The following PHYKPL variants were observed in gnomAD, a reference collection of about 807,000 sequenced individuals.
PHYKPL encodes the protein 5-phosphohydroxy-L-lysine phospho-lyase.
Under a neutral mutation model 51.3 loss-of-function variants are expected in PHYKPL, and 42 were observed. The observed-to-expected ratio is 0.82, with a 90% confidence interval of 0.64 to 1.06. The LOEUF (loss-of-function observed/expected upper bound fraction) is 1.06. PHYKPL is among the 50% of genes least tolerant of loss of function. The pLI is 0.00. For missense variants in PHYKPL, 655 were observed against 586.6 expected (o/e 1.12, Z -1.20); for synonymous variants, 264 against 236.0 (o/e 1.12, Z -1.09).
At chr5:178,228,987 C>T (rs985785962) in intron 3 of PHYKPL, among the ~76,000 whole-genome samples, 1 of 152,176 alleles carries the variant, frequency 6.6e-6, no homozygotes, top group Non-Finnish European at 1.5e-5. Context: ...GCTTTCCCTT[C>T]GTGGACTTCT....
intron 3 of PHYKPL, chr5:178,228,450 A>G (rs948608974): frequency 2.8e-5 from 19 of 688,406 alleles, no homozygotes; most frequent in East Asian, 1.1e-4. Flanking sequence ...TCCACACAGA[A>G]TAAAGCTGGT....
rs193220247 is a variant in PHYKPL, at chr5:178,219,652, G to A, written c.927+2703C>T. On this transcript the variant is annotated intron_variant, in intron 8 of 12. Transcript: ENST00000308158. ...TTTTCAGTAGAGATGGGGTTTCACC[G>A]TGTTAGCCAGGATGGTCTCGATCTC... Among the ~76,000 whole-genome samples, 756 of 151,880 alleles carry A rather than the reference G, an allele frequency of 5.0e-3. 1 individual carries two copies. Among genetic ancestry groups the A allele is most frequent in the African/African-American group, 0.017 (717 of 41,446 alleles).
chr5:178,228,701 C>CA, intron 3 of PHYKPL: 1 of 682,952 alleles, frequency 1.5e-6, no homozygotes. Flanking sequence ...CCACCACCTA[C>CA]GATTTGTTGG....
At chr5:178,224,771 C>T (rs1415125986) in intron 4 of PHYKPL, 42 bp from the exon 5 acceptor site, 2 of 1,516,600 alleles carry the variant, frequency 1.3e-6, no homozygotes, top group Admixed American at 3.4e-5. Flanking sequence ...CCGGGCAGCA[C>T]CTACTCCCTG....
rs373675466 is a variant in PHYKPL, at chr5:178,222,522, G to C, written c.760C>G (p.Arg254Gly). The C allele has an allele frequency of 1.9e-5, 31 of 1,614,118 alleles. No individual in the cohort carries two copies. The highest frequency in any genetic ancestry group is 6.7e-5 in the Admixed American group (4 of 60,012). ...AAGGCCCAGAAGTGCTTGCCTACCC[G>C]GCCAAAGCCAACCTGGATCTCATCT... The part of the protein sequence containing the change: ...VADEIQVGFG[R>G]VGKHFWAFQL... Residue 254 changes from arginine to glycine, a missense_variant, in exon 8 of 13, where the codon CGG (arginine) becomes GGG (glycine). Transcript: ENST00000308158.
Position 178,213,120 on chromosome 5 carries a change from C to T in PHYKPL, c.1173-17G>A, listed in dbSNP as rs1253099350. The T allele has an allele frequency of 1.2e-6, 2 of 1,613,128 alleles. No homozygotes were observed. Among genetic ancestry groups the T allele is most frequent in the African/African-American group, 1.3e-5 (1 of 74,928 alleles). ...TCCTTCAGCCTGTGAGGACAGGACA[C>T]CCCTTCACATGGCCTTCAAGGCCTT... On this transcript the variant is annotated splice_polypyrimidine_tract_variant and intron_variant, in intron 10 of 12. Transcript: ENST00000308158.
intron 8 of PHYKPL, among the ~76,000 whole-genome samples, chr5:178,221,131 A>G (rs1325882211): frequency 1.3e-5 from 2 of 152,222 alleles, no homozygotes; most frequent in African/African-American, 4.8e-5. Context: ...AATAACTAGA[A>G]GAGGGCTATG....
At chr5:178,215,200 T>TA (rs1175288750) in intron 9 of PHYKPL, 76 bp downstream of exon 9, 1 of 1,591,134 alleles carries the variant, frequency 6.3e-7, no homozygotes, top group Non-Finnish European at 8.6e-7. Context: ...CCATCCCAGG[T>TA]TGTTAGGAGG....
At chr5:178,218,922 C>A (rs1386149756) in intron 8 of PHYKPL, among the ~76,000 whole-genome samples, 1 of 151,852 alleles carries the variant, frequency 6.6e-6, no homozygotes, top group African/African-American at 2.4e-5. Context: ...AAATTTGAGC[C>A]AACATTTTAC....
intron 10 of PHYKPL, 28 bp from the exon 11 acceptor site, chr5:178,213,131 G>A (rs539705586): frequency 7.5e-6 from 12 of 1,610,186 alleles, no homozygotes; most frequent in African/African-American, 5.3e-5. Flanking sequence ...CCCTTCACAT[G>A]GCCTTCAAGG....
intron 3 of PHYKPL, chr5:178,225,739 GAA>G: frequency 2.8e-6 from 1 of 361,832 alleles, no homozygotes; most frequent in Non-Finnish European, 5.2e-6. Flanking sequence ...AATCAACACA[GAA>G]GACTTCTGTG....
Position 178,232,477 on chromosome 5 carries a change from C to T in PHYKPL, c.59+15G>A. On this transcript the variant is annotated intron_variant, in intron 1 of 12. Coordinates refer to ENST00000308158, the MANE Select transcript of PHYKPL (RefSeq NM_153373.4). The stretch of plus-strand genomic sequence containing the variant: ...CAGCCCCGCGCCCCCCGCCGCCCGC[C>T]CCCCGCCCGGGTACCTGATGAGCCG... 3.7e-6 allele frequency: 5 copies of T among 1,367,324 alleles called. No individual in the cohort carries two copies. Among genetic ancestry groups the T allele is most frequent in the Non-Finnish European group, 4.7e-6 (5 of 1,068,446 alleles). 84.7% of individuals were successfully genotyped at this position (1,367,324 alleles called of 1,614,324 possible). A position where few individuals can be genotyped will look rare whatever the true frequency, so the allele number is the denominator to read the frequency against.
chr5:178,223,565 CACCT>C, intron 6 of PHYKPL: 1 of 444,372 alleles, frequency 2.3e-6, no homozygotes, highest in South Asian at 1.6e-5. Flanking sequence ...TGGTCCCCCA[CACCT>C]GTTGCAATCA....
downstream of PHYKPL, among the ~76,000 whole-genome samples, chr5:178,208,199 G>A (rs1269094784): frequency 6.6e-6 from 1 of 152,202 alleles, no homozygotes; most frequent in Non-Finnish European, 1.5e-5. Flanking sequence ...GCAGTGGCAG[G>A]GTGTGGCAGG....
At chr5:178,231,690 T>C (rs779630392) in intron 1 of PHYKPL, 167 bp from the exon 2 acceptor site, 330 of 1,563,766 alleles carry the variant, frequency 2.1e-4, no homozygotes, top group Non-Finnish European at 2.5e-4. Flanking sequence ...ACTCCACAGG[T>C]GGTTGCAAAG....
At chr5:178,223,225 C>T (rs748009741) in intron 6 of PHYKPL, 2 of 419,504 alleles carry the variant, frequency 4.8e-6, no homozygotes, top group Non-Finnish European at 9.1e-6. Flanking sequence ...ATTTTTGATC[C>T]ACGCCTCCTC....
chr5:178,226,188 G>C (rs1762262947), intron 3 of PHYKPL: 1 of 150,440 alleles, frequency 6.6e-6, no homozygotes, highest in Non-Finnish European at 1.5e-5. Flanking sequence ...CAATTCTCCT[G>C]CTTCAGCCTC....
rs751559395 is a variant in PHYKPL at position 178,211,927 on chromosome 5, C to T, written c.1347G>A (p.Gln449=). The part of the protein sequence containing the change: ...KVRSCETLRL[Q]P ...TAGGCAGAGCAGGGCTGGCTTAGGG[C>T]TGGAGCCTCAGCGTTTCACAACTTC... Residue 449 remains glutamine, a synonymous_variant, in exon 12 of 13, where the codon CAG becomes CAA. Transcript: ENST00000308158. The T allele has an allele frequency of 6.8e-6, 11 of 1,613,222 alleles. No individual in the cohort carries two copies. In the South Asian group the frequency reaches 1.1e-4, roughly 16 times the overall value.
chr5:178,231,950 T>TGCC (rs1463772954), intron 1 of PHYKPL: 25 of 1,244,934 alleles, frequency 2.0e-5, no homozygotes, highest in Middle Eastern at 3.5e-4. Context: ...GTGGCCCTGC[T>TGCC]GCCCCTCGCT....
Sources: gnomAD v4.1 joint callset for allele counts (sites outside exome capture counted in the v4.1 genomes callset) on GRCh38, gnomAD v4.1.1 for gene constraint, MANE v1.5 for transcripts, NCBI Gene and HGNC (gene_info 2026-07-23, HGNC 2026-07-21) for gene names.